The following SLCO3A1 variants were observed in gnomAD, a reference collection of about 807,000 sequenced individuals.
The protein encoded by SLCO3A1 is PGE1 transporter.
A neutral mutation model predicts 63.1 loss-of-function variants in SLCO3A1; 27 were observed. The ratio of observed to expected loss-of-function variants is 0.43; its 90% CI spans 0.32 to 0.59. SLCO3A1 has a LOEUF of 0.59. SLCO3A1 is among the 20% of genes least tolerant of loss of function. The pLI is 0.09. For synonymous variants in SLCO3A1, 473 were observed against 409.9 expected (o/e 1.15, Z -1.86); for missense variants, 773 against 945.8 (o/e 0.82, Z 2.40).
intron 2 of SLCO3A1, among the ~76,000 whole-genome samples, chr15:91,943,923 C>G (rs1013487829): frequency 4.3e-4 from 66 of 152,206 alleles, no homozygotes; most frequent in African/African-American, 1.5e-3. Context: ...TGTTGCTTGT[C>G]TTGGGTGCCT....
intron 1 of SLCO3A1, 29 bp from the exon 2 acceptor site, chr15:91,915,964 G>A: frequency 6.4e-7 from 1 of 1,574,496 alleles, no homozygotes; most frequent in Non-Finnish European, 8.7e-7. Flanking sequence ...TCTTGGATTG[G>A]CTCTGACCTT....
At chr15:91,994,164 A>T (rs376817270) in intron 2 of SLCO3A1, among the ~76,000 whole-genome samples, 8 of 152,338 alleles carry the variant, frequency 5.3e-5, no homozygotes, top group African/African-American at 1.7e-4. Flanking sequence ...ATACATAACT[A>T]ATACATAGTC....
intron 2 of SLCO3A1, among the ~76,000 whole-genome samples, chr15:92,062,656 G>C (rs1182928043): frequency 2.6e-5 from 4 of 152,172 alleles, no homozygotes; most frequent in African/African-American, 9.7e-5. Flanking sequence ...TGTTAGGGGA[G>C]TTATTTTGGG....
intron 1 of SLCO3A1, among the ~76,000 whole-genome samples, chr15:91,870,288 G>A (rs748657496): frequency 2.0e-5 from 3 of 152,178 alleles, no homozygotes; most frequent in Non-Finnish European, 4.4e-5. Flanking sequence ...TCTAAAAATA[G>A]CAGTAAGTTT....
At chr15:92,117,745 A>T (rs1386529148) in intron 4 of SLCO3A1, among the ~76,000 whole-genome samples, 1 of 152,196 alleles carries the variant, frequency 6.6e-6, no homozygotes, top group Non-Finnish European at 1.5e-5. Flanking sequence ...ATCAGATTTC[A>T]CTCATTCATA....
chr15:92,008,041 G>A (rs925114759), intron 2 of SLCO3A1, among the ~76,000 whole-genome samples: 6 of 152,108 alleles, frequency 3.9e-5, no homozygotes, highest in African/African-American at 1.2e-4. Context: ...TAAAGAAGTC[G>A]GCTCGGTAAA....
chr15:91,999,009 C>T (rs2046223021), intron 2 of SLCO3A1, among the ~76,000 whole-genome samples: 1 of 152,230 alleles, frequency 6.6e-6, no homozygotes, highest in Admixed American at 6.5e-5. Flanking sequence ...AGCGGGAGGC[C>T]ATTATCCTAA....
intron 4 of SLCO3A1, among the ~76,000 whole-genome samples, chr15:92,112,546 C>G (rs1194299719): frequency 1.3e-5 from 2 of 152,186 alleles, no homozygotes; most frequent in East Asian, 1.9e-4. Flanking sequence ...TCGAAGCCCC[C>G]TAGATGATTC....
chr15:92,117,795 C>G (rs1222250844), intron 4 of SLCO3A1, among the ~76,000 whole-genome samples: 2 of 152,208 alleles, frequency 1.3e-5, no homozygotes, highest in Non-Finnish European at 2.9e-5. Context: ...CAAGGGGCTT[C>G]TGTACATGAA....
intron 2 of SLCO3A1, among the ~76,000 whole-genome samples, chr15:92,016,274 A>AT (rs1252874645): frequency 2.8e-4 from 39 of 137,090 alleles, no homozygotes; most frequent in African/African-American, 1.1e-3. Flanking sequence ...AGATAGATAG[A>AT]TAGATAGATG....
rs544099029 is a variant in SLCO3A1 at position 91,970,435 on chromosome 15, G to A, written c.646+53977G>A. Among the ~76,000 whole-genome samples the A allele has an allele frequency of 9.9e-5, 15 of 152,280 alleles. 1 individual carries two copies. The highest frequency in any genetic ancestry group is 3.6e-4 in the African/African-American group (15 of 41,562). ...GCTGATGGGAGGTGCCTTTGGGGTG[G>A]GCAGAGTTGTGGAGTCCTCTCCTTT... is the stretch of plus-strand genomic sequence containing the variant. On this transcript the variant is annotated intron_variant, in intron 2 of 9. Coordinates refer to ENST00000318445, the MANE Select transcript of SLCO3A1 (RefSeq NM_013272.4).
chr15:91,915,535 T>A (rs113686769), intron 1 of SLCO3A1, among the ~76,000 whole-genome samples: 10,544 of 152,196 alleles, frequency 0.069, 513 homozygotes, highest in Non-Finnish European at 0.11. Context: ...AGGTGGGGGA[T>A]AGGCTTTGCT....
At chr15:92,162,331 G>C (rs1428038987) in intron 9 of SLCO3A1, 5 of 164,916 alleles carry the variant, frequency 3.0e-5, no homozygotes, top group African/African-American at 1.2e-4. Flanking sequence ...TGTCTCTTTA[G>C]TAGAGACGGG....
intron 1 of SLCO3A1, among the ~76,000 whole-genome samples, chr15:91,879,231 C>A (rs1386498650): frequency 1.3e-5 from 2 of 151,832 alleles, no homozygotes; most frequent in Non-Finnish European, 2.9e-5. Flanking sequence ...TGAGTGGGTG[C>A]CTATAAAGCA....
chr15:91,987,867 A>G (rs1326375220), intron 2 of SLCO3A1, among the ~76,000 whole-genome samples: 1 of 152,160 alleles, frequency 6.6e-6, no homozygotes, highest in Non-Finnish European at 1.5e-5. Flanking sequence ...AAAAGATATA[A>G]TCAGTCAGCA....
chr15:92,077,179 G>T (rs536387030), intron 2 of SLCO3A1, among the ~76,000 whole-genome samples: 22 of 152,170 alleles, frequency 1.4e-4, no homozygotes, highest in African/African-American at 5.1e-4. Flanking sequence ...CTCCCATGGG[G>T]TCCCTCCCAC....
intron 2 of SLCO3A1, among the ~76,000 whole-genome samples, chr15:91,939,313 G>T (rs1307297621): frequency 6.6e-6 from 1 of 152,110 alleles, no homozygotes; most frequent in Non-Finnish European, 1.5e-5. Flanking sequence ...CCAAGAGGAT[G>T]GTGCTGAACC....
chr15:92,095,027 C>A, intron 3 of SLCO3A1, 48 bp downstream of exon 3: 1 of 1,320,084 alleles, frequency 7.6e-7, no homozygotes, highest in South Asian at 1.2e-5. Flanking sequence ...AGCGTTTCCT[C>A]CCTCATAAAT....
chr15:91,902,968 A>G (rs2151369463), intron 1 of SLCO3A1, among the ~76,000 whole-genome samples: 1 of 152,370 alleles, frequency 6.6e-6, no homozygotes, highest in South Asian at 2.1e-4. Context: ...TAAGAATGAA[A>G]TGGATTCATC....
Sources: gnomAD v4.1 joint callset for allele counts (sites outside exome capture counted in the v4.1 genomes callset) on GRCh38, gnomAD v4.1.1 for gene constraint, MANE v1.5 for transcripts, NCBI Gene and HGNC (gene_info 2026-07-23, HGNC 2026-07-21) for gene names.